The following ADK variants were observed in gnomAD, a reference collection of about 807,000 sequenced individuals.
ADK encodes the protein N6,N6-dimethyladenosine kinase.
A neutral mutation model predicts 44.7 loss-of-function variants in ADK; 24 were observed. The ratio of observed to expected loss-of-function variants is 0.54; its 90% CI spans 0.39 to 0.76. The LOEUF is 0.76. Ranked by LOEUF, ADK falls within the 30% of genes least tolerant of loss-of-function variation. ADK has a pLI of 0.00. For missense variants in ADK, 321 were observed against 425.1 expected, an observed-to-expected ratio of 0.76 and a Z score of 2.15; for synonymous variants, 128 against 142.6, an observed-to-expected ratio of 0.90 and a Z score of 0.73.
At chr10:74,366,578 A>G (rs529353572) in intron 4 of ADK, among the ~76,000 whole-genome samples, 4 of 152,358 alleles carry the variant, frequency 2.6e-5, no homozygotes, top group South Asian at 2.1e-4. Context: ...ATTACAATCA[A>G]CATTTGTAGA....
At chr10:74,419,662 A>G (rs1844491135) in intron 6 of ADK, among the ~76,000 whole-genome samples, 1 of 152,154 alleles carries the variant, frequency 6.6e-6, no homozygotes, top group South Asian at 2.1e-4. Context: ...TATTTTTGCT[A>G]CCCTTGGGCT....
intron 6 of ADK, among the ~76,000 whole-genome samples, chr10:74,419,201 C>T (rs1489418251): frequency 2.6e-5 from 4 of 151,980 alleles, no homozygotes. Flanking sequence ...ATTCTTCCTC[C>T]CCAACAACAG....
chr10:74,470,429 C>T (rs1268935157), intron 6 of ADK, among the ~76,000 whole-genome samples: 1 of 151,980 alleles, frequency 6.6e-6, no homozygotes, highest in Non-Finnish European at 1.5e-5. Flanking sequence ...AATATCTCAT[C>T]AACATCTTGT....
intron 2 of ADK, among the ~76,000 whole-genome samples, chr10:74,217,694 C>A (rs947367800): frequency 4.6e-5 from 7 of 152,234 alleles, no homozygotes; most frequent in Admixed American, 6.5e-5. Context: ...AACGATCAGA[C>A]AGCAGCATTC....
intron 3 of ADK, among the ~76,000 whole-genome samples, chr10:74,229,599 G>A (rs1165280004): frequency 6.6e-6 from 1 of 151,970 alleles, no homozygotes; most frequent in African/African-American, 2.4e-5. Flanking sequence ...GGGTTTTGCC[G>A]TGTTAGCCAG....
At chr10:74,212,454 T>G (rs1038153355) in intron 2 of ADK, among the ~76,000 whole-genome samples, 3 of 152,218 alleles carry the variant, frequency 2.0e-5, no homozygotes, top group African/African-American at 7.2e-5. Context: ...CACTTACTTC[T>G]TCACAGTGGC....
intron 3 of ADK, among the ~76,000 whole-genome samples, chr10:74,302,256 G>C (rs544676881): frequency 6.6e-6 from 1 of 150,404 alleles, no homozygotes; most frequent in South Asian, 2.1e-4. Flanking sequence ...AGCCTCCTGA[G>C]TAGTTACAGG....
At chr10:74,486,533 T>C (rs1847273321) in intron 6 of ADK, among the ~76,000 whole-genome samples, 1 of 152,210 alleles carries the variant, frequency 6.6e-6, no homozygotes, top group Non-Finnish European at 1.5e-5. Flanking sequence ...ATTGTTCCTT[T>C]CATTAGATGT....
chr10:74,408,690 T>C (rs1023441398), intron 6 of ADK, among the ~76,000 whole-genome samples: 4 of 152,220 alleles, frequency 2.6e-5, no homozygotes. Flanking sequence ...ATTTTGTATA[T>C]GTATTATATT....
chr10:74,653,833 G>C lies in ADK; in HGVS notation c.878-16350G>C, dbSNP rs1438500629. Among the ~76,000 whole-genome samples, 5 of 152,144 alleles carry C rather than the reference G, an allele frequency of 3.3e-5. No homozygotes were observed. In the East Asian group the frequency reaches 9.6e-4, roughly 29 times the overall value. On this transcript the variant is annotated intron_variant, in intron 9 of 10. Transcript: ENST00000539909. ...ACTTTTATCAGTGTTTGATTGTCAG[G>C]ATGCCCATTGAAATTGACTTCATAC...
chr10:74,655,961 G>T, intron 9 of ADK: 1 of 698,462 alleles, frequency 1.4e-6, no homozygotes, highest in Non-Finnish European at 2.7e-6. Context: ...AACTCCTCCT[G>T]GGCAAGGTGA....
intron 3 of ADK, among the ~76,000 whole-genome samples, chr10:74,313,008 T>G (rs6480733): frequency 0.64 from 96,034 of 150,482 alleles, 31,963 homozygotes; most frequent in Middle Eastern, 0.8. Context: ...ATTAACAAAC[T>G]TATACAATGT....
At chr10:74,541,780 G>T in intron 7 of ADK, among the ~76,000 whole-genome samples, 1 of 113,858 alleles carries the variant, frequency 8.8e-6, no homozygotes, top group African/African-American at 3.3e-5. Flanking sequence ...GTTACAGAAC[G>T]AGAACCCCCA....
intron 9 of ADK, among the ~76,000 whole-genome samples, chr10:74,646,695 T>G (rs1275499015): frequency 3.3e-5 from 5 of 152,134 alleles, no homozygotes; most frequent in Non-Finnish European, 7.3e-5. Context: ...TCAAGTGCAG[T>G]CTTCAGGCTT....
intron 2 of ADK, among the ~76,000 whole-genome samples, chr10:74,211,088 T>C (rs771593065): frequency 1.8e-4 from 27 of 152,194 alleles, no homozygotes; most frequent in Non-Finnish European, 3.2e-4. Flanking sequence ...TTTCACCATG[T>C]TGACCAGGCT....
chr10:74,392,517 AT>A (rs1843370003), intron 4 of ADK, among the ~76,000 whole-genome samples: 1 of 151,918 alleles, frequency 6.6e-6, no homozygotes, highest in African/African-American at 2.4e-5. Context: ...TTGTATTTTT[AT>A]TGTTCATTTA....
chr10:74,411,484 A>G (rs1225598159), intron 6 of ADK, among the ~76,000 whole-genome samples: 1 of 152,242 alleles, frequency 6.6e-6, no homozygotes, highest in Non-Finnish European at 1.5e-5. Context: ...TTTACACTAT[A>G]TGGTACTCTC....
intron 7 of ADK, among the ~76,000 whole-genome samples, chr10:74,538,923 T>C (rs1406750879): frequency 6.6e-6 from 1 of 152,198 alleles, no homozygotes; most frequent in African/African-American, 2.4e-5. Flanking sequence ...AGTCATTTGC[T>C]CTTTTAAGAT....
chr10:74,229,098 A>T, intron 3 of ADK, among the ~76,000 whole-genome samples: 1 of 152,226 alleles, frequency 6.6e-6, no homozygotes, highest in East Asian at 1.9e-4. Context: ...TTATTTTGTC[A>T]GAATAACCCC....
Sources: allele counts gnomAD v4.1 joint callset (sites outside exome capture counted in the v4.1 genomes callset), GRCh38; gene constraint gnomAD v4.1.1; transcripts MANE v1.5; gene names NCBI Gene and HGNC (gene_info 2026-07-23, HGNC 2026-07-21).